ZBTB21: variants seen among roughly 807,000 people sequenced by gnomAD.
ZBTB21 encodes zinc finger and BTB domain containing 21, also known as zinc finger and BTB domain-containing protein 21.
In ZBTB21, 10 loss-of-function variants were observed where a neutral mutation model predicts 39.8. That is an observed-to-expected ratio of 0.25 (90% CI 0.16 to 0.43). The LOEUF (loss-of-function observed/expected upper bound fraction) is 0.43. ZBTB21 is among the 20% of genes least tolerant of loss of function. ZBTB21 has a pLI of 1.00. For missense variants in ZBTB21, 1,221 were observed against 1,296.3 expected (o/e 0.94, Z 0.89); for synonymous variants, 551 against 498.8 (o/e 1.10, Z -1.40).
rs761062800 is a variant in ZBTB21, at chr21:41,991,856, G to A, written c.2240C>T (p.Ala747Val). ...GAGGCTGCAGTAAGGGCAGACGGCC[G>A]CGTTCCGGCACAGCCGCTCGTGGCT... ...QGSHERLCRN[A>V]AVCPYCSLRF... Residue 747 changes from alanine to valine, a missense_variant, in exon 3 of 3, where the codon GCG (alanine) becomes GTG (valine). Ala to Val is a moderately conservative substitution (Grantham distance 64). Coordinates refer to ENST00000310826, the MANE Select transcript of ZBTB21 (RefSeq NM_001098402.2). This position sits in a 1 kb window ranked among gnomAD's most constrained non-coding sequence, Gnocchi z 4.9. 38 of 1,614,084 alleles carry A rather than the reference G, an allele frequency of 2.4e-5. No individual in the cohort carries two copies. Among genetic ancestry groups the A allele is most frequent in the South Asian group, 5.5e-5 (5 of 91,086 alleles).
rs530039111 is a variant in ZBTB21, at chr21:41,987,775, A to G, written c.*3120T>C. On this transcript the variant is annotated 3_prime_UTR_variant, in exon 3 of 3. Coordinates refer to ENST00000310826, the MANE Select transcript of ZBTB21 (RefSeq NM_001098402.2). The stretch of plus-strand genomic sequence containing the variant: ...ACAAAGGCCAACTTTAGATCTGTTA[A>G]TTCTTCCATCTCTCCCTCACCCTGA... The G allele has an allele frequency of 6.6e-6, 1 of 152,350 alleles. No individual in the cohort carries two copies. Among genetic ancestry groups the G allele is most frequent in the South Asian group, 2.1e-4 (1 of 4,828 alleles). 9.4% of individuals were successfully genotyped at this position (152,350 alleles called of 1,614,324 possible).
intron 1 of ZBTB21, among the ~76,000 whole-genome samples, chr21:42,006,272 G>A (rs1053526197): frequency 1.1e-4 from 17 of 151,814 alleles, no homozygotes; most frequent in African/African-American, 3.4e-4. Flanking sequence ...AAAATTAGCC[G>A]GGTGTGGTGA....
intron 2 of ZBTB21, among the ~76,000 whole-genome samples, chr21:41,994,309 A>C (rs1218774861): frequency 2.6e-5 from 4 of 152,208 alleles, no homozygotes; most frequent in Admixed American, 2.6e-4. Context: ...GTAGGTCCTC[A>C]TTAAAATAGA....
rs1029255555 is a variant in ZBTB21, at chr21:41,987,749, A to C, written c.*3146T>G. 6 of 152,348 alleles carry C rather than the reference A, an allele frequency of 3.9e-5. No homozygotes were observed. Among genetic ancestry groups the C allele is most frequent in the Middle Eastern group, 3.4e-3 (1 of 294 alleles). 9.4% of individuals were successfully genotyped at this position (152,348 alleles called of 1,614,324 possible). On this transcript the variant is annotated 3_prime_UTR_variant, in exon 3 of 3. Coordinates refer to ENST00000310826, the MANE Select transcript of ZBTB21 (RefSeq NM_001098402.2). Reference sequence around the variant, plus strand: ...TGTGTGTACAAACCCAATTTGAGACAACAAAGGCCAACTTTAGATCTGTTA... The same window carrying C: ...TGTGTGTACAAACCCAATTTGAGACCACAAAGGCCAACTTTAGATCTGTTA...
intron 1 of ZBTB21, among the ~76,000 whole-genome samples, chr21:42,005,579 G>C (rs1000635288): frequency 6.6e-5 from 10 of 152,108 alleles, no homozygotes; most frequent in Non-Finnish European, 1.5e-4. Flanking sequence ...GACAGTTTCT[G>C]TTCTTGTTAT....
rs750158886 is a variant in ZBTB21 at position 41,992,694 on chromosome 21, G to A, written c.1402C>T (p.Leu468=). The change falls in exon 3 of 3, where the codon CTG becomes TTG. Residue 468 remains leucine (L), a synonymous_variant. Coordinates refer to ENST00000310826, the MANE Select transcript of ZBTB21 (RefSeq NM_001098402.2). The surrounding 1 kb of genome is among the most constrained non-coding windows in gnomAD (Gnocchi z 4.1). The part of the protein sequence containing the change: ...SSSSVTRDLS[L]KTEDDQKDMS... ...TCTTTTTGGTCATCTTCTGTTTTCAGAGACAGGTCTCTTGTGACCGACGAA... is the reference window on the plus strand; with the variant it reads ...TCTTTTTGGTCATCTTCTGTTTTCAAAGACAGGTCTCTTGTGACCGACGAA... 3.1e-6 allele frequency: 5 copies of A among 1,614,168 alleles called. No homozygotes were observed. Among genetic ancestry groups the A allele is most frequent in the African/African-American group, 1.3e-5 (1 of 75,036 alleles).
At chr21:42,004,237 C>T (rs772852477) in intron 1 of ZBTB21, among the ~76,000 whole-genome samples, 2 of 152,174 alleles carry the variant, frequency 1.3e-5, no homozygotes, top group South Asian at 2.1e-4. Context: ...TGACCTCAGG[C>T]GATCTGCCCA....
chr21:42,006,007 A>G (rs1188680391), intron 1 of ZBTB21, among the ~76,000 whole-genome samples: 2 of 152,240 alleles, frequency 1.3e-5, no homozygotes, highest in African/African-American at 4.8e-5. Context: ...AATGAAGAGA[A>G]CCAGCTTTGA....
intron 1 of ZBTB21, among the ~76,000 whole-genome samples, chr21:42,004,016 T>G (rs2065848508): frequency 6.6e-6 from 1 of 151,696 alleles, no homozygotes; most frequent in South Asian, 2.1e-4. Flanking sequence ...TTTTTTTTTT[T>G]TTTTGAAGAG....
intron 2 of ZBTB21, among the ~76,000 whole-genome samples, chr21:41,996,825 T>G (rs970592350): frequency 2.0e-5 from 3 of 152,134 alleles, no homozygotes; most frequent in Admixed American, 1.3e-4. Flanking sequence ...GGGCAGGTCT[T>G]TCTTATGCTC....
intron 1 of ZBTB21, among the ~76,000 whole-genome samples, chr21:42,008,403 G>A (rs1415361731): frequency 1.4e-5 from 2 of 147,436 alleles, no homozygotes; most frequent in African/African-American, 5.0e-5. Context: ...CTGTAATCCC[G>A]GCTACTCAGG....
intron 1 of ZBTB21, among the ~76,000 whole-genome samples, chr21:42,003,579 T>A (rs921235096): frequency 6.6e-6 from 1 of 152,158 alleles, no homozygotes; most frequent in African/African-American, 2.4e-5. Context: ...TGAATATCTC[T>A]AGTCCAAAAA....
At chr21:41,997,354 T>C (rs966089844) in intron 2 of ZBTB21, among the ~76,000 whole-genome samples, 4 of 152,124 alleles carry the variant, frequency 2.6e-5, no homozygotes, top group Non-Finnish European at 5.9e-5. Context: ...AGCGGGCAGG[T>C]CACTTGAGGT....
intron 1 of ZBTB21, among the ~76,000 whole-genome samples, chr21:42,007,232 A>AT (rs2065889121): frequency 6.6e-6 from 1 of 152,314 alleles, no homozygotes; most frequent in East Asian, 1.9e-4. Context: ...AACAATAAAG[A>AT]TTTGACTTTT....
At position 41,993,246 on chromosome 21, in the gene ZBTB21, TACAA is replaced by T; in HGVS notation, c.846_849del (p.Cys283AlafsTer9). 7 of 1,611,802 alleles carry T rather than the reference TACAA, an allele frequency of 4.3e-6. No homozygotes were observed. Among genetic ancestry groups the T allele is most frequent in the Non-Finnish European group, 5.9e-6 (7 of 1,180,030 alleles). ...AATAGATAGGGAGTCTCTGATGAGC[TACAA>T]ACAGACAAAACAGGTGGCCGTGGTC... On this transcript the variant is annotated frameshift_variant, in exon 3 of 3. Transcript: ENST00000310826. LOFTEE classifies it high-confidence loss of function.
Position 41,989,490 on chromosome 21 carries a change from G to A in ZBTB21, c.*1405C>T, listed in dbSNP as rs906990135. On this transcript the variant is annotated 3_prime_UTR_variant, in exon 3 of 3. Coordinates refer to ENST00000310826, the MANE Select transcript of ZBTB21 (RefSeq NM_001098402.2). Reference sequence around the variant, plus strand: ...TTTCTTAAAAGGATTTTGTAGTTTCGTTTTTTTAATACATCTAACTCCCAC... The same window carrying A: ...TTTCTTAAAAGGATTTTGTAGTTTCATTTTTTTAATACATCTAACTCCCAC... 3 of 151,886 alleles carry A rather than the reference G, an allele frequency of 2.0e-5. No homozygotes were observed. The highest frequency in any genetic ancestry group is 7.3e-5 in the African/African-American group (3 of 41,350). 9.4% of individuals were successfully genotyped at this position (151,886 alleles called of 1,614,324 possible). A position where few individuals can be genotyped will look rare whatever the true frequency, so the allele number is the denominator to read the frequency against.
At chr21:42,009,597 T>A (rs2065931708) in intron 1 of ZBTB21, 1 of 151,920 alleles carries the variant, frequency 6.6e-6, no homozygotes, top group South Asian at 1.9e-4. Context: ...CTGCGGGGGC[T>A]CTGGAGGAAA....
rs1466118525 is a variant in ZBTB21, at chr21:41,991,740, A to T, written c.2356T>A (p.Ser786Thr). ...TCLECMRTFKSSFSIWRHQVE... is the reference protein window; with the variant it reads ...TCLECMRTFKTSFSIWRHQVE... Reference sequence around the variant, plus strand: ...TGGTGCCGCCAGATGCTGAAAGAGGACTTGAAGGTGCGCATGCACTCGAGG... The same window carrying T: ...TGGTGCCGCCAGATGCTGAAAGAGGTCTTGAAGGTGCGCATGCACTCGAGG... The change falls in exon 3 of 3, where the codon TCC becomes ACC. Residue 786 changes from serine to threonine, a missense_variant. Around this residue, in one of 4 missense-constraint regions of ZBTB21, gnomAD observed 523 missense variants for 542.5 expected, o/e 0.96. Transcript: ENST00000310826. The surrounding 1 kb of genome is among the most constrained non-coding windows in gnomAD (Gnocchi z 4.9). 6.2e-7 allele frequency: 1 copy of T among 1,614,080 alleles called. No homozygotes were observed. The highest frequency in any genetic ancestry group is 8.5e-7 in the Non-Finnish European group (1 of 1,180,008).
At position 41,993,461 on chromosome 21, in the gene ZBTB21, C is replaced by A; in HGVS notation, c.635G>T (p.Ser212Ile). 6.2e-7 allele frequency: 1 copy of A among 1,614,232 alleles called. No homozygotes were observed. The highest frequency in any genetic ancestry group is 8.5e-7 in the Non-Finnish European group (1 of 1,180,038). The change falls in exon 3 of 3, where the codon AGT becomes ATT. Residue 212 changes from serine to isoleucine, a missense_variant. Physicochemically the swap from Ser to Ile is moderately radical, Grantham distance 142. This residue lies in a region of ZBTB21 where 500 missense variants were observed against 465.6 expected (regional missense o/e 1.07). Transcript: ENST00000310826. The part of the protein sequence containing the change: ...SLTEKSWPKD[S>I]SVVYAKSLEH... ...AAGAGACTTTGCATATACCACAGAA[C>A]TATCTTTCGGCCAACTCTTTTCAGT... is the stretch of plus-strand genomic sequence containing the variant.
Sources: allele counts gnomAD v4.1 joint callset (sites outside exome capture counted in the v4.1 genomes callset), GRCh38; gene constraint gnomAD v4.1.1; regional missense constraint gnomAD v4.1.1; non-coding constraint Gnocchi (gnomAD v3.1); transcripts MANE v1.5; gene names NCBI Gene and HGNC (gene_info 2026-07-23, HGNC 2026-07-21).